Variants in BTBD8 observed in about 807,000 individuals in gnomAD.
The protein encoded by BTBD8 is BTB/POZ domain-containing protein 8.
In BTBD8, 110 loss-of-function variants were observed where a neutral mutation model predicts 162.9. The observed-to-expected ratio is 0.68, with a 90% CI of 0.58 to 0.79. The LOEUF is 0.79. Among genes scored for constraint, BTBD8 ranks in the 30% least tolerant of loss-of-function variants. The probability of loss-of-function intolerance (pLI) is 0.00; values close to 1 mark genes in which losing one functional copy is unlikely to be tolerated. For missense variants in BTBD8, 1,905 were observed against 2,085.4 expected (o/e 0.91, Z 1.68); for synonymous variants, 667 against 716.1 (o/e 0.93, Z 1.10).
chr1:92,130,569 T>C (rs3884206), intron 5 of BTBD8, among the ~76,000 whole-genome samples: 4,808 of 97,374 alleles, frequency 0.049, 122 homozygotes, highest in South Asian at 0.12. Context: ...CACACACACA[T>C]ATACGCACAC....
chr1:92,091,538 T>C (rs576426061), intron 2 of BTBD8, among the ~76,000 whole-genome samples: 8 of 148,882 alleles, frequency 5.4e-5, no homozygotes, highest in East Asian at 2.0e-4. Context: ...TGGTCTCTCT[T>C]TTTTTTTTTA....
chr1:92,135,941 A>C (rs992308672), intron 5 of BTBD8, among the ~76,000 whole-genome samples: 2 of 152,238 alleles, frequency 1.3e-5, no homozygotes, highest in African/African-American at 2.4e-5. Context: ...AGTATTACAC[A>C]TTCAAGTAAT....
intron 9 of BTBD8, among the ~76,000 whole-genome samples, chr1:92,159,706 G>A (rs539082430): frequency 1.4e-4 from 22 of 152,272 alleles, no homozygotes; most frequent in African/African-American, 5.3e-4. Context: ...TTTTTAAAAA[G>A]CACTTTGAAT....
chr1:92,131,723 CAAA>C (rs1377974623), intron 5 of BTBD8, among the ~76,000 whole-genome samples: 1 of 80,056 alleles, frequency 1.2e-5, no homozygotes. Context: ...GACTCTGTCT[CAAA>C]AAAAAAAAAA....
chr1:92,171,329 C>A, intron 12 of BTBD8, 70 bp from the exon 13 acceptor site: 1 of 1,142,560 alleles, frequency 8.8e-7, no homozygotes, highest in African/African-American at 1.6e-5. Flanking sequence ...TACTGACATA[C>A]TATTTTTCCT....
chr1:92,081,320 G>A (rs1399203808), intron 1 of BTBD8, among the ~76,000 whole-genome samples: 1 of 152,148 alleles, frequency 6.6e-6, no homozygotes, highest in Non-Finnish European at 1.5e-5. Context: ...ACCTTTGTAA[G>A]CCTCATGGAT....
intron 4 of BTBD8, chr1:92,115,160 CT>C: frequency 1.9e-6 from 1 of 526,820 alleles, no homozygotes; most frequent in Admixed American, 2.1e-5. Context: ...TGCCCACAGC[CT>C]TGGCAGCACC....
intron 2 of BTBD8, among the ~76,000 whole-genome samples, chr1:92,092,160 G>A (rs143573418): frequency 6.6e-6 from 1 of 152,058 alleles, no homozygotes; most frequent in Admixed American, 6.6e-5. Context: ...CAGCACTTTG[G>A]GGGGCTGAGG....
At position 92,182,406 on chromosome 1, in the gene BTBD8, A is replaced by G; in HGVS notation, c.4723A>G (p.Ser1575Gly). 6.5e-7 allele frequency: 1 copy of G among 1,550,068 alleles called. No individual in the cohort carries two copies. Residue 1575 changes from serine (S) to glycine (G), a missense_variant, in exon 17 of 18, where the codon AGT becomes GGT. By Grantham distance (56) the Ser-to-Gly change is moderately conservative (BLOSUM62 0). Transcript: ENST00000636805. ...TCAGCAACGCAGCAAATTCTTGGAT[A>G]GTGATGTAAAATCTCAAGAAAGACC... The part of the protein sequence containing the change: ...DIQQRSKFLD[S>G]DVKSQERPCH...
chr1:92,182,204 A>G lies in BTBD8; in HGVS notation c.4521A>G (p.Val1507=). 6.4e-7 allele frequency: 1 copy of G among 1,550,656 alleles called. No individual in the cohort carries two copies. Among genetic ancestry groups the G allele is most frequent in the Non-Finnish European group, 8.7e-7 (1 of 1,146,734 alleles). Residue 1507 remains valine (V), a synonymous_variant, in exon 17 of 18, where the codon GTA becomes GTG. Coordinates refer to ENST00000636805, the MANE Select transcript of BTBD8 (RefSeq NM_001376131.1). ...GTAAACAAAATAAAGGCAATAGTGT[A>G]TGTAAAAATGAAAGCACTGTCTTGG... is the stretch of plus-strand genomic sequence containing the variant. ...LECKQNKGNS[V]CKNESTVLDL...
intron 7 of BTBD8, among the ~76,000 whole-genome samples, chr1:92,143,340 G>A (rs896684182): frequency 5.9e-5 from 9 of 152,048 alleles, no homozygotes; most frequent in South Asian, 2.1e-4. Context: ...ATGAGTATAT[G>A]TGGGTTTTAT....
rs746619719 is a variant in BTBD8 at position 92,181,147 on chromosome 1, G to T, written c.3464G>T (p.Gly1155Val). ...VSLCNPERTN[G>V]TLNSAQEDKK... ...CTGTGTAATCCTGAAAGGACAAATG[G>T]TACCTTAAATTCTGCTCAAGAAGAC... The change falls in exon 17 of 18, where the codon GGT (glycine) becomes GTT (valine). Residue 1155 changes from glycine to valine, a missense_variant. This residue lies in a region of BTBD8 where 1,374 missense variants were observed against 1,442.7 expected (regional missense o/e 0.95). Transcript: ENST00000636805. 111 of 1,551,448 alleles carry T rather than the reference G, an allele frequency of 7.2e-5. No homozygotes were observed. The highest frequency in any genetic ancestry group is 8.6e-5 in the Non-Finnish European group (99 of 1,146,982).
chr1:92,089,959 A>G (rs1367613407), intron 2 of BTBD8, among the ~76,000 whole-genome samples: 1 of 152,210 alleles, frequency 6.6e-6, no homozygotes, highest in African/African-American at 2.4e-5. Context: ...GTTTAAATTA[A>G]TCTTCATTCT....
chr1:92,158,995 G>A (rs1031100898), intron 9 of BTBD8, among the ~76,000 whole-genome samples: 7 of 152,004 alleles, frequency 4.6e-5, no homozygotes, highest in Admixed American at 2.0e-4. Context: ...GGGCTCAAGC[G>A]ATCTACCTAG....
intron 5 of BTBD8, among the ~76,000 whole-genome samples, chr1:92,134,618 A>G (rs1342091903): frequency 6.6e-6 from 1 of 152,134 alleles, no homozygotes; most frequent in Non-Finnish European, 1.5e-5. Context: ...CTCTTATATA[A>G]TCCTATTCTG....
At chr1:92,146,754 T>G (rs1649933537) in intron 7 of BTBD8, among the ~76,000 whole-genome samples, 1 of 152,202 alleles carries the variant, frequency 6.6e-6, no homozygotes, top group African/African-American at 2.4e-5. Context: ...GATATGCATT[T>G]AAGATCCCCC....
chr1:92,157,065 A>G (rs1278171550), intron 9 of BTBD8, among the ~76,000 whole-genome samples: 2 of 151,568 alleles, frequency 1.3e-5, no homozygotes, highest in Non-Finnish European at 2.9e-5. Context: ...TTATTGCTAT[A>G]AACTTTGCTC....
At chr1:92,103,154 G>A (rs1648642054) in intron 3 of BTBD8, among the ~76,000 whole-genome samples, 1 of 152,144 alleles carries the variant, frequency 6.6e-6, no homozygotes, top group Non-Finnish European at 1.5e-5. Flanking sequence ...ATTTCAGAAG[G>A]GTTGCAGCTT....
chr1:92,112,659 C>G (rs1357085286), intron 4 of BTBD8, among the ~76,000 whole-genome samples: 1 of 152,106 alleles, frequency 6.6e-6, no homozygotes, highest in Non-Finnish European at 1.5e-5. Context: ...ATCCATGGCA[C>G]TTAACTTCAG....
Sources: allele counts gnomAD v4.1 joint callset (sites outside exome capture counted in the v4.1 genomes callset), GRCh38; gene constraint gnomAD v4.1.1; regional missense constraint gnomAD v4.1.1; transcripts MANE v1.5; gene names NCBI Gene and HGNC (gene_info 2026-07-23, HGNC 2026-07-21).